RYR2: variants seen among roughly 807,000 people sequenced by gnomAD.
The protein encoded by RYR2 is ryanodine receptor 2.
RYR2 carries 227 observed loss-of-function variants against 601.1 expected under a neutral mutation model. The observed-to-expected ratio is 0.38, with a 90% CI of 0.34 to 0.42. RYR2 has a LOEUF of 0.42. RYR2 is among the 10% of genes least tolerant of loss of function. The pLI is 1.00. For missense variants in RYR2, 4,646 were observed against 6,156.5 expected (o/e 0.75, Z 8.21); for synonymous variants, 2,223 against 2,175.1 (o/e 1.02, Z -0.61).
intron 2 of RYR2, among the ~76,000 whole-genome samples, chr1:237,296,477 A>G (rs550094015): frequency 3.0e-4 from 45 of 152,166 alleles, no homozygotes; most frequent in Non-Finnish European, 5.4e-4. Flanking sequence ...GTAAGAGAGA[A>G]AGAGGAATTA....
chr1:237,616,824 A>G (rs796440543), intron 37 of RYR2, among the ~76,000 whole-genome samples: 31 of 152,324 alleles, frequency 2.0e-4, no homozygotes, highest in African/African-American at 6.0e-4. Context: ...AGGCCTCACA[A>G]TCCTGGCGAA....
chr1:237,518,913 G>A (rs916935268), intron 24 of RYR2, among the ~76,000 whole-genome samples: 2 of 151,926 alleles, frequency 1.3e-5, no homozygotes, highest in Non-Finnish European at 2.9e-5. Flanking sequence ...CTGCATCCTC[G>A]CCAACATCTG....
chr1:237,182,421 C>T (rs940220617), intron 1 of RYR2, among the ~76,000 whole-genome samples: 3 of 152,034 alleles, frequency 2.0e-5, no homozygotes, highest in African/African-American at 7.2e-5. Flanking sequence ...CACCCAGCTC[C>T]CTGGGGCTTC....
intron 52 of RYR2, among the ~76,000 whole-genome samples, chr1:237,655,432 TG>T (rs1221814943): frequency 3.3e-5 from 5 of 152,194 alleles, no homozygotes; most frequent in African/African-American, 9.6e-5. Flanking sequence ...TTATGCTTTA[TG>T]TTTTTTTATA....
Position 237,610,176 on chromosome 1 carries a change from A to G in RYR2, c.4684-586A>G, listed in dbSNP as rs943540119. On this transcript the variant is annotated intron_variant, in intron 35 of 104. Transcript: ENST00000366574. The surrounding 1 kb of genome is among the most constrained non-coding windows in gnomAD (Gnocchi z 4.9). ...CTTTCTTTGACACCAGACAGAAAGA[A>G]TTAAGGATGGCTGAAGATGATACTG... is the stretch of plus-strand genomic sequence containing the variant. 6.6e-5 allele frequency among the ~76,000 whole-genome samples: 10 copies of G among 152,252 alleles called. No homozygotes were observed. The highest frequency in any genetic ancestry group is 2.4e-4 in the African/African-American group (10 of 41,470).
At chr1:237,415,562 A>G (rs948493246) in intron 10 of RYR2, among the ~76,000 whole-genome samples, 5 of 152,202 alleles carry the variant, frequency 3.3e-5, no homozygotes, top group Admixed American at 1.3e-4. Context: ...TCTCACTACC[A>G]ATTTAGAGGT....
At chr1:237,127,718 G>A (rs1184208317) in intron 1 of RYR2, among the ~76,000 whole-genome samples, 5 of 151,412 alleles carry the variant, frequency 3.3e-5, no homozygotes, top group East Asian at 2.0e-4. Context: ...GGTCGCGGCC[G>A]GGCAGAGGTG....
intron 5 of RYR2, among the ~76,000 whole-genome samples, chr1:237,367,975 T>G (rs973660705): frequency 6.6e-6 from 1 of 152,166 alleles, no homozygotes; most frequent in East Asian, 1.9e-4. Context: ...TTCAGTCTGA[T>G]CAAGGGGAGG....
At chr1:237,145,848 A>T (rs1303498310) in intron 1 of RYR2, among the ~76,000 whole-genome samples, 1 of 152,218 alleles carries the variant, frequency 6.6e-6, no homozygotes. Context: ...TAGATGCCTC[A>T]GCTATATTTT....
chr1:237,060,379 T>G (rs1258524641), intron 1 of RYR2, among the ~76,000 whole-genome samples: 4 of 152,222 alleles, frequency 2.6e-5, no homozygotes, highest in African/African-American at 9.6e-5. Flanking sequence ...TGCTAAATCT[T>G]TCTTAAGTAA....
Position 237,589,828 on chromosome 1 carries a change from G to A in RYR2, c.3634G>A (p.Val1212Met), listed in dbSNP as rs763448978. 4 of 1,613,646 alleles carry A rather than the reference G, an allele frequency of 2.5e-6. No homozygotes were observed. The highest frequency in any genetic ancestry group is 3.4e-6 in the Non-Finnish European group (4 of 1,179,862). ...IPVCSLGVAQ[V>M]GRMNFGKDVS... ...TGTGTGTAGCCTTGGAGTGGCTCAA[G>A]TGGGTAGGATGAACTTTGGAAAGGA... is the stretch of plus-strand genomic sequence containing the variant. Residue 1212 changes from valine (V) to methionine (M), a missense_variant, in exon 30 of 105, where the codon GTG becomes ATG. Physicochemically the swap from Val to Met is conservative, Grantham distance 21 (BLOSUM62 1). Transcript: ENST00000366574.
In RYR2 at chr1:237,733,009, T is replaced by C. The variant is rs1359405559; in HGVS notation, c.11040-696T>C. On this transcript the variant is annotated intron_variant, in intron 78 of 104. Coordinates refer to ENST00000366574, the MANE Select transcript of RYR2 (RefSeq NM_001035.3). ...CTTAGCTAATGTGATCTATCCTTTC[T>C]CTCACTATTTCTCTCTCTCTTATTA... Among the ~76,000 whole-genome samples, 4 of 152,186 alleles carry C rather than the reference T, an allele frequency of 2.6e-5. No homozygotes were observed. In the South Asian group the frequency reaches 6.2e-4, roughly 24 times the overall value.
intron 63 of RYR2, among the ~76,000 whole-genome samples, chr1:237,695,980 G>C (rs543941283): frequency 1.1e-4 from 16 of 152,232 alleles, no homozygotes; most frequent in South Asian, 8.3e-4. Flanking sequence ...GAATTTGTCT[G>C]GCTCCTGGTG....
At chr1:237,503,858 C>T (rs1462010955) in intron 22 of RYR2, among the ~76,000 whole-genome samples, 1 of 152,076 alleles carries the variant, frequency 6.6e-6, no homozygotes, top group Non-Finnish European at 1.5e-5. Flanking sequence ...CAGGCGCCCA[C>T]CACCACACCT....
intron 21 of RYR2, among the ~76,000 whole-genome samples, chr1:237,502,971 T>C (rs1433009181): frequency 6.6e-6 from 1 of 152,206 alleles, no homozygotes; most frequent in African/African-American, 2.4e-5. Context: ...TGACCAGTTA[T>C]TACGGACATG....
intron 63 of RYR2, among the ~76,000 whole-genome samples, chr1:237,688,425 TACAC>T (rs984354679): frequency 1.3e-5 from 2 of 151,318 alleles, no homozygotes; most frequent in Admixed American, 6.6e-5. Context: ...TATATATATA[TACAC>T]ACACACACAT....
chr1:237,682,789 C>CA (rs35707280), intron 62 of RYR2, among the ~76,000 whole-genome samples: 1 of 151,794 alleles, frequency 6.6e-6, no homozygotes, highest in Middle Eastern at 3.2e-3. Context: ...TGGTATTTCC[C>CA]AAAAAAAGGA....
chr1:237,318,146 G>A (rs1487651048), intron 2 of RYR2, among the ~76,000 whole-genome samples: 3 of 146,968 alleles, frequency 2.0e-5, no homozygotes, highest in Non-Finnish European at 2.9e-5. Flanking sequence ...ATTGCAATAT[G>A]TGTTATTTTA....
At chr1:237,239,326 C>T (rs1026588964) in intron 1 of RYR2, among the ~76,000 whole-genome samples, 2 of 152,180 alleles carry the variant, frequency 1.3e-5, no homozygotes, top group African/African-American at 4.8e-5. Context: ...AAGTGAAAAG[C>T]GCTCTCTCCT....
Sources: gnomAD v4.1 joint callset for allele counts (sites outside exome capture counted in the v4.1 genomes callset) on GRCh38, gnomAD v4.1.1 for gene constraint, Gnocchi (gnomAD v3.1) non-coding constraint, MANE v1.5 for transcripts, NCBI Gene and HGNC (gene_info 2026-07-23, HGNC 2026-07-21) for gene names.